The following C5 variants were observed in gnomAD, a reference collection of about 807,000 sequenced individuals.
C5 encodes the protein complement C5.
C5 carries 140 observed loss-of-function variants against 218.8 expected under a neutral mutation model. That is an observed-to-expected ratio of 0.64 (90% confidence interval 0.56 to 0.74). C5 has a LOEUF of 0.74. Ranked by LOEUF, C5 falls within the 30% of genes least tolerant of loss-of-function variation. C5 has a pLI of 0.00. For missense variants in C5, 1,700 were observed against 1,969.6 expected, an observed-to-expected ratio of 0.86 and a Z score of 2.59; for synonymous variants, 614 against 682.3, an observed-to-expected ratio of 0.90 and a Z score of 1.56.
chr9:121,024,718 A>C (rs985747608), intron 9 of C5, among the ~76,000 whole-genome samples: 1 of 152,158 alleles, frequency 6.6e-6, no homozygotes, highest in African/African-American at 2.4e-5. Context: ...ATCATCTAGA[A>C]GCTCACCTTC....
At chr9:121,043,257 C>A (rs1457886539) in intron 2 of C5, 91 bp from the exon 3 acceptor site, 2 of 1,050,314 alleles carry the variant, frequency 1.9e-6, no homozygotes, top group Non-Finnish European at 1.4e-6. Context: ...CTCATTAGAA[C>A]AATCAGTATG....
In C5 at chr9:121,021,517, C is replaced by T; in HGVS notation, c.1294G>A (p.Glu432Lys). The T allele has an allele frequency of 6.2e-7, 1 of 1,612,882 alleles. No individual in the cohort carries two copies. The highest frequency in any genetic ancestry group is 1.7e-4 in the Middle Eastern group (1 of 6,060). Residue 432 changes from glutamate to lysine, a missense_variant, in exon 11 of 41, where the codon GAG (glutamate) becomes AAG (lysine). Coordinates refer to ENST00000223642, the MANE Select transcript of C5 (RefSeq NM_001735.3). ...AGGAGAATTCAGCTCACATTAAACT[C>T]CAGCACCGTCACTCCAGATGGGAGA... is the stretch of plus-strand genomic sequence containing the variant. ...LNLPSGVTVL[E>K]FNVKTDAPDL...
chr9:121,034,630 T>C (rs920044471), intron 5 of C5, among the ~76,000 whole-genome samples, 173 bp downstream of exon 5: 4 of 152,234 alleles, frequency 2.6e-5, no homozygotes, highest in African/African-American at 9.6e-5. Context: ...CTGAGAAGTA[T>C]TGGAAATTTT....
intron 5 of C5, among the ~76,000 whole-genome samples, chr9:121,033,162 A>G (rs2047492885): frequency 6.6e-6 from 1 of 152,156 alleles, no homozygotes; most frequent in African/African-American, 2.4e-5. Context: ...AATAATGATT[A>G]TTACCATCAT....
chr9:120,981,812 A>C (rs1398686834), intron 27 of C5, 32 bp downstream of exon 27: 5 of 1,418,878 alleles, frequency 3.5e-6, no homozygotes, highest in Non-Finnish European at 5.0e-6. Context: ...GAAATAGATG[A>C]TGGGTGTGAG....
chr9:121,042,889 G>A (rs992219571), intron 3 of C5, 115 bp downstream of exon 3: 2 of 795,426 alleles, frequency 2.5e-6, no homozygotes, highest in Non-Finnish European at 2.1e-6. Context: ...AGAGTCTTTT[G>A]AGCAAATTAA....
At chr9:121,039,455 A>C (rs1403511926) in intron 3 of C5, among the ~76,000 whole-genome samples, 1 of 152,024 alleles carries the variant, frequency 6.6e-6, no homozygotes, top group Non-Finnish European at 1.5e-5. Context: ...CCTGGCCAAC[A>C]TGGTGAAATC....
intron 39 of C5, among the ~76,000 whole-genome samples, chr9:120,955,674 T>A (rs1164859620): frequency 1.3e-5 from 2 of 152,146 alleles, no homozygotes; most frequent in Non-Finnish European, 2.9e-5. Flanking sequence ...ATAAGTTTCA[T>A]ACAATGAAAC....
At chr9:121,057,237 A>G in the C5 span, among the ~76,000 whole-genome samples, 1 of 152,196 alleles carries the variant, frequency 6.6e-6, no homozygotes, top group East Asian at 1.9e-4. Context: ...TTCAATCTGA[A>G]AGAAAAGGCT....
At chr9:121,000,001 G>C (rs1371074350) in intron 20 of C5, 3 of 431,722 alleles carry the variant, frequency 6.9e-6, no homozygotes, top group Non-Finnish European at 1.4e-5. Flanking sequence ...GGAGCTTGCA[G>C]TGACCCGAGA....
At chr9:121,028,507 T>A (rs1424597472) in intron 7 of C5, among the ~76,000 whole-genome samples, 1 of 152,178 alleles carries the variant, frequency 6.6e-6, no homozygotes, top group African/African-American at 2.4e-5. Flanking sequence ...TGGAATACTA[T>A]GCAGGCATAA....
At chr9:121,044,154 G>A (rs183467827) in intron 2 of C5, among the ~76,000 whole-genome samples, 11 of 152,226 alleles carry the variant, frequency 7.2e-5, no homozygotes, top group African/African-American at 2.6e-4. Context: ...GTGCCTTTAA[G>A]TTCTTTCTCC....
intron 36 of C5, 59 bp from the exon 37 acceptor site, chr9:120,961,624 T>C: frequency 9.2e-7 from 1 of 1,081,506 alleles, no homozygotes; most frequent in Non-Finnish European, 1.4e-6. Context: ...ACACATTTAC[T>C]AATTGGCAAG....
the C5 span, among the ~76,000 whole-genome samples, chr9:121,072,814 A>T: frequency 1.9e-4 from 11 of 57,012 alleles, no homozygotes; most frequent in South Asian, 3.9e-4. Context: ...CAAAAAATTA[A>T]AAAAAAAAAA....
chr9:120,997,483 C>A, intron 21 of C5, 64 bp downstream of exon 21: 2 of 1,166,248 alleles, frequency 1.7e-6, no homozygotes, highest in Non-Finnish European at 2.5e-6. Flanking sequence ...TTCTCTCCCC[C>A]CCCTTTCTGT....
chr9:120,995,838 T>G (rs1024937129), intron 22 of C5, among the ~76,000 whole-genome samples: 16 of 150,516 alleles, frequency 1.1e-4, no homozygotes, highest in African/African-American at 3.4e-4. Flanking sequence ...TTTTTTTTTT[T>G]GACACAGTCT....
At chr9:120,975,485 G>A (rs2046946604) in intron 29 of C5, among the ~76,000 whole-genome samples, 1 of 152,158 alleles carries the variant, frequency 6.6e-6, no homozygotes, top group Non-Finnish European at 1.5e-5. Flanking sequence ...TTCATGTGTT[G>A]GAAAGCTTGG....
intron 7 of C5, among the ~76,000 whole-genome samples, chr9:121,027,478 A>T (rs2047434555): frequency 6.6e-6 from 1 of 152,208 alleles, no homozygotes; most frequent in South Asian, 2.1e-4. Context: ...ACAGCATGGT[A>T]CTGGTACCAA....
At chr9:121,023,277 G>A in intron 10 of C5, 127 bp downstream of exon 10, 2 of 755,488 alleles carry the variant, frequency 2.6e-6, no homozygotes, top group East Asian at 2.5e-5. Flanking sequence ...GGAGGGGCAG[G>A]TTTCACAGAA....
Sources: gnomAD v4.1 joint callset for allele counts (sites outside exome capture counted in the v4.1 genomes callset) on GRCh38, gnomAD v4.1.1 for gene constraint, MANE v1.5 for transcripts, NCBI Gene and HGNC (gene_info 2026-07-23, HGNC 2026-07-21) for gene names.